The following DYM variants were observed in gnomAD, a reference collection of about 807,000 sequenced individuals.
DYM encodes dymeclin.
Under a neutral mutation model 93.1 loss-of-function variants are expected in DYM, and 78 were observed. The observed-to-expected ratio is 0.84, with a 90% confidence interval of 0.70 to 1.01. DYM has a LOEUF of 1.01. Among genes scored for constraint, DYM ranks in the 50% least tolerant of loss-of-function variants. DYM has a pLI of 0.00. For synonymous variants in DYM, 321 were observed against 319.7 expected (o/e 1.00, Z -0.04); for missense variants, 789 against 845.0 (o/e 0.93, Z 0.82).
intron 13 of DYM, among the ~76,000 whole-genome samples, chr18:49,250,331 G>C (rs181723264): frequency 6.6e-5 from 10 of 152,238 alleles, no homozygotes; most frequent in African/African-American, 2.4e-4. Flanking sequence ...CCAGTATGTT[G>C]TAAGTACCTA....
intron 6 of DYM, among the ~76,000 whole-genome samples, chr18:49,336,208 T>C (rs908329087): frequency 6.6e-6 from 1 of 152,214 alleles, no homozygotes; most frequent in Non-Finnish European, 1.5e-5. Flanking sequence ...TAGAAACAAA[T>C]TGTTTTACTA....
intron 7 of DYM, among the ~76,000 whole-genome samples, chr18:49,333,363 G>T (rs1246211311): frequency 6.6e-6 from 1 of 152,212 alleles, no homozygotes; most frequent in African/African-American, 2.4e-5. Context: ...TAGATCACAG[G>T]TGTTTCAAAG....
At chr18:49,349,318 G>A (rs1445178998) in intron 6 of DYM, among the ~76,000 whole-genome samples, 1 of 151,980 alleles carries the variant, frequency 6.6e-6, no homozygotes, top group African/African-American at 2.4e-5. Flanking sequence ...TTAAAATATA[G>A]CCATAAATTT....
At chr18:49,118,509 A>C (rs2082105519) in intron 16 of DYM, among the ~76,000 whole-genome samples, 1 of 152,190 alleles carries the variant, frequency 6.6e-6, no homozygotes, top group Admixed American at 6.5e-5. Flanking sequence ...GTAAAGTAAA[A>C]AAGTCAGAAT....
chr18:49,365,582 C>T (rs1301843780), intron 5 of DYM, among the ~76,000 whole-genome samples: 1 of 152,154 alleles, frequency 6.6e-6, no homozygotes, highest in Admixed American at 6.5e-5. Flanking sequence ...ACTCAATGTA[C>T]GTTTGCTAAA....
At chr18:49,183,759 C>G (rs774399115) in intron 14 of DYM, among the ~76,000 whole-genome samples, 1 of 152,052 alleles carries the variant, frequency 6.6e-6, no homozygotes, top group Non-Finnish European at 1.5e-5. Context: ...GTGTCTCCCC[C>G]AAATTTCCTA....
At chr18:49,433,403 T>C (rs1051836292) in intron 1 of DYM, among the ~76,000 whole-genome samples, 7 of 152,226 alleles carry the variant, frequency 4.6e-5, no homozygotes, top group Non-Finnish European at 1.0e-4. Flanking sequence ...ATAATCACTA[T>C]GATATAAATA....
chr18:49,103,296 T>C (rs1166114834), intron 16 of DYM, among the ~76,000 whole-genome samples: 4 of 152,244 alleles, frequency 2.6e-5, no homozygotes, highest in African/African-American at 9.6e-5. Flanking sequence ...GAGTTCATTG[T>C]AGATTCTGGA....
chr18:49,113,011 G>A (rs2081567480), intron 16 of DYM, among the ~76,000 whole-genome samples: 1 of 151,518 alleles, frequency 6.6e-6, no homozygotes, highest in Middle Eastern at 3.4e-3. Context: ...TTTTCCTTAA[G>A]CAACTGGGTA....
At chr18:49,411,446 G>A (rs2072234218) in intron 2 of DYM, among the ~76,000 whole-genome samples, 1 of 152,018 alleles carries the variant, frequency 6.6e-6, no homozygotes, top group Non-Finnish European at 1.5e-5. Context: ...ATAAACTATA[G>A]TGTGGTCGGG....
At chr18:49,364,591 C>T (rs916315317) in intron 5 of DYM, among the ~76,000 whole-genome samples, 2 of 152,196 alleles carry the variant, frequency 1.3e-5, no homozygotes, top group African/African-American at 4.8e-5. Flanking sequence ...TCCATCCTTT[C>T]ACTCTCCTGG....
chr18:49,242,687 C>A (rs1031963708), intron 13 of DYM, among the ~76,000 whole-genome samples: 2 of 152,032 alleles, frequency 1.3e-5, no homozygotes, highest in African/African-American at 4.8e-5. Flanking sequence ...TTATAACTAG[C>A]GTTATTTTTG....
At chr18:49,054,572 A>G (rs1438426139) in intron 17 of DYM, among the ~76,000 whole-genome samples, 1 of 152,234 alleles carries the variant, frequency 6.6e-6, no homozygotes, top group Non-Finnish European at 1.5e-5. Flanking sequence ...AGGAAATTAT[A>G]AAGGACCACT....
chr18:49,451,377 C>T (rs1031373510), intron 1 of DYM, among the ~76,000 whole-genome samples: 9 of 152,286 alleles, frequency 5.9e-5, no homozygotes, highest in Admixed American at 3.9e-4. Context: ...AGGAGTCAAC[C>T]TCCACTTGCA....
At chr18:49,294,584 T>C (rs964477384) in intron 8 of DYM, among the ~76,000 whole-genome samples, 15 of 152,102 alleles carry the variant, frequency 9.9e-5, no homozygotes, top group African/African-American at 3.4e-4. Flanking sequence ...ACATAAAGTA[T>C]GAAACATCAA....
Position 49,333,727 on chromosome 18 carries a change from C to A in DYM, c.620+1G>T. On this transcript the variant is annotated splice_donor_variant, in intron 7 of 17. Transcript: ENST00000675505. LOFTEE classifies it high-confidence loss of function. Reference sequence around the variant, plus strand: ...TAGACATACTTAAAGTAGAAACATACCATGGACCTCGCATCAAATACTTGT... The same window carrying A: ...TAGACATACTTAAAGTAGAAACATAACATGGACCTCGCATCAAATACTTGT... The A allele has an allele frequency of 1.2e-6, 2 of 1,613,744 alleles. No homozygotes were observed. The highest frequency in any genetic ancestry group is 1.7e-4 in the Middle Eastern group (1 of 6,054).
At chr18:49,165,247 G>A (rs991807902) in intron 14 of DYM, among the ~76,000 whole-genome samples, 3 of 152,042 alleles carry the variant, frequency 2.0e-5, no homozygotes, top group African/African-American at 7.2e-5. Context: ...ATACTTATGT[G>A]CCTAATAAAA....
chr18:49,134,067 TAGA>T (rs1477340491), intron 15 of DYM, among the ~76,000 whole-genome samples: 4 of 152,196 alleles, frequency 2.6e-5, no homozygotes, highest in African/African-American at 9.7e-5. Context: ...GATTGATTGA[TAGA>T]AGAACAGAGA....
chr18:49,245,524 C>T (rs559428421), intron 13 of DYM, among the ~76,000 whole-genome samples: 58 of 152,232 alleles, frequency 3.8e-4, no homozygotes, highest in African/African-American at 1.2e-3. Context: ...GACTGAAATA[C>T]GCCCTGGTTT....
Sources: allele counts gnomAD v4.1 joint callset (sites outside exome capture counted in the v4.1 genomes callset), GRCh38; gene constraint gnomAD v4.1.1; transcripts MANE v1.5; gene names NCBI Gene and HGNC (gene_info 2026-07-23, HGNC 2026-07-21).